Variants in CLEC16A observed in about 807,000 individuals in gnomAD.
The protein encoded by CLEC16A is protein CLEC16A.
Under a neutral mutation model 109.5 loss-of-function variants are expected in CLEC16A, and 51 were observed. The observed-to-expected ratio is 0.47, with a 90% CI of 0.37 to 0.59. CLEC16A has a LOEUF of 0.59. Among genes scored for constraint, CLEC16A ranks in the 20% least tolerant of loss-of-function variants. The pLI, the probability that CLEC16A is intolerant of heterozygous loss-of-function variation, is 0.00. For synonymous variants in CLEC16A, 673 were observed against 564.2 expected (o/e 1.19, Z -2.73); for missense variants, 1,339 against 1,394.0 (o/e 0.96, Z 0.63).
intron 22 of CLEC16A, among the ~76,000 whole-genome samples, chr16:11,159,919 A>G (rs1007895612): frequency 6.6e-6 from 1 of 152,154 alleles, no homozygotes; most frequent in Non-Finnish European, 1.5e-5. Context: ...AGCCATCTCA[A>G]ACCCTTCCTG....
In CLEC16A at chr16:11,179,140, G is replaced by A. The variant is rs200486904; in HGVS notation, c.*450G>A. 4.0e-4 allele frequency: 65 copies of A among 160,724 alleles called. No homozygotes were observed. The highest frequency in any genetic ancestry group is 3.1e-4 in the African/African-American group (13 of 41,812). The allele number at this position is 160,724 out of a possible 1,614,324, so 10.0% of individuals were successfully genotyped here. A position where few individuals can be genotyped will look rare whatever the true frequency, so the allele number is the denominator to read the frequency against. ...ACATCTCCTTTGGATATTTATTTCC[G>A]CTTTTGGCAGCAGGTGAACATTTAT... is the stretch of plus-strand genomic sequence containing the variant. On this transcript the variant is annotated 3_prime_UTR_variant, in exon 24 of 24. Coordinates refer to ENST00000409790, the MANE Select transcript of CLEC16A (RefSeq NM_015226.3).
intron 11 of CLEC16A, among the ~76,000 whole-genome samples, chr16:11,009,868 TG>T (rs1567190306): frequency 1.3e-5 from 2 of 152,044 alleles, no homozygotes; most frequent in African/African-American, 4.8e-5. Context: ...TTAAAGAATA[TG>T]GTGGCCAGGC....
intron 17 of CLEC16A, among the ~76,000 whole-genome samples, chr16:11,049,915 G>A (rs534685399): frequency 4.6e-5 from 7 of 152,380 alleles, no homozygotes; most frequent in African/African-American, 1.7e-4. Context: ...CTGGAGGAAA[G>A]TACTTAAAGT....
chr16:11,018,585 T>C (rs753326870), intron 11 of CLEC16A, among the ~76,000 whole-genome samples: 2 of 151,606 alleles, frequency 1.3e-5, no homozygotes, highest in South Asian at 4.2e-4. Flanking sequence ...CTGTCTGTAA[T>C]AAAAATACAA....
At chr16:11,008,860 G>A (rs1047286900) in intron 11 of CLEC16A, among the ~76,000 whole-genome samples, 15 of 150,196 alleles carry the variant, frequency 1.0e-4, no homozygotes, top group African/African-American at 2.2e-4. Flanking sequence ...CTAGCCAGGC[G>A]TGGTGGCGGG....
intron 10 of CLEC16A, among the ~76,000 whole-genome samples, chr16:10,988,867 G>C (rs1339740481): frequency 6.6e-6 from 1 of 152,188 alleles, no homozygotes. Context: ...TACACAGCAA[G>C]TGCATAAATA....
rs936474282 is a variant in CLEC16A at position 11,181,783 on chromosome 16, G to A, written c.*3093G>A. 6.6e-6 allele frequency: 1 copy of A among 152,632 alleles called. No individual in the cohort carries two copies. Among genetic ancestry groups the A allele is most frequent in the Admixed American group, 6.5e-5 (1 of 15,288 alleles). The allele number at this position is 152,632 out of a possible 1,614,324, so 9.5% of individuals were successfully genotyped here. A position where few individuals can be genotyped will look rare whatever the true frequency, so the allele number is the denominator to read the frequency against. ...ACACTTGCGTTCACAAGCAACCTAA[G>A]GGGCAGGTGAAGAAGCGCAGCCCTG... On this transcript the variant is annotated 3_prime_UTR_variant, in exon 24 of 24. Coordinates refer to ENST00000409790, the MANE Select transcript of CLEC16A (RefSeq NM_015226.3).
intron 19 of CLEC16A, among the ~76,000 whole-genome samples, chr16:11,075,416 G>GTGTC (rs2049311243): frequency 7.3e-6 from 1 of 136,094 alleles, no homozygotes; most frequent in Non-Finnish European, 1.6e-5. Context: ...GTGTGTCTGT[G>GTGTC]TGTGTGTGTG....
chr16:11,084,954 A>G (rs1424828854), intron 19 of CLEC16A, among the ~76,000 whole-genome samples: 2 of 152,198 alleles, frequency 1.3e-5, no homozygotes, highest in African/African-American at 4.8e-5. Flanking sequence ...GGAATAACTC[A>G]CGGCCCATGA....
At chr16:11,036,573 A>G (rs1478331483) in intron 13 of CLEC16A, among the ~76,000 whole-genome samples, 1 of 141,894 alleles carries the variant, frequency 7.0e-6, no homozygotes, top group Non-Finnish European at 1.5e-5. Flanking sequence ...TTTTGAGACA[A>G]GAGTCTCGCT....
chr16:11,022,250 T>G (rs946689009), intron 12 of CLEC16A, among the ~76,000 whole-genome samples: 1 of 151,962 alleles, frequency 6.6e-6, no homozygotes, highest in Non-Finnish European at 1.5e-5. Flanking sequence ...AGGTATCGAG[T>G]TGCAGCTTGT....
intron 13 of CLEC16A, among the ~76,000 whole-genome samples, chr16:11,036,301 G>T (rs193287215): frequency 1.3e-5 from 2 of 149,362 alleles, no homozygotes; most frequent in East Asian, 2.0e-4. Flanking sequence ...CCCCCTCCCC[G>T]GCTCTCTCCC....
chr16:11,096,089 C>G (rs2050596713), intron 19 of CLEC16A, among the ~76,000 whole-genome samples: 1 of 151,998 alleles, frequency 6.6e-6, no homozygotes, highest in Non-Finnish European at 1.5e-5. Flanking sequence ...ATCCCAGTTA[C>G]TTTGGGAGGC....
intron 22 of CLEC16A, among the ~76,000 whole-genome samples, chr16:11,139,885 G>A (rs774185029): frequency 3.3e-5 from 5 of 152,188 alleles, no homozygotes; most frequent in Non-Finnish European, 5.9e-5. Context: ...TTTATTGAAT[G>A]CCAACTATGT....
chr16:11,045,575 C>G (rs1377512364), intron 16 of CLEC16A, among the ~76,000 whole-genome samples: 1 of 152,108 alleles, frequency 6.6e-6, no homozygotes, highest in South Asian at 2.1e-4. Context: ...CAGAAACACT[C>G]AGGCCTTGCC....
intron 19 of CLEC16A, among the ~76,000 whole-genome samples, chr16:11,112,676 T>C (rs1206181278): frequency 6.6e-6 from 1 of 151,858 alleles, no homozygotes; most frequent in African/African-American, 2.4e-5. Context: ...CATACATACA[T>C]ACATACACAC....
chr16:11,171,573 C>G (rs1210143768), intron 23 of CLEC16A, among the ~76,000 whole-genome samples: 2 of 152,324 alleles, frequency 1.3e-5, no homozygotes, highest in East Asian at 3.9e-4. Flanking sequence ...TCAGCCAGCC[C>G]CTAGTGAGAA....
At chr16:11,116,240 A>T (rs1033269539) in intron 19 of CLEC16A, among the ~76,000 whole-genome samples, 31 of 151,970 alleles carry the variant, frequency 2.0e-4, no homozygotes, top group Non-Finnish European at 3.8e-4. Flanking sequence ...AAATAAAAAA[A>T]AAAAAATAGC....
At chr16:10,967,979 A>G (rs1036613264) in intron 3 of CLEC16A, among the ~76,000 whole-genome samples, 2 of 152,250 alleles carry the variant, frequency 1.3e-5, no homozygotes, top group African/African-American at 2.4e-5. Context: ...AGGTCTGACA[A>G]GCTCCGGGGT....
Sources: gnomAD v4.1 joint callset for allele counts (sites outside exome capture counted in the v4.1 genomes callset) on GRCh38, gnomAD v4.1.1 for gene constraint, MANE v1.5 for transcripts, NCBI Gene and HGNC (gene_info 2026-07-23, HGNC 2026-07-21) for gene names.